The following SYT17 variants were observed in gnomAD, a reference collection of about 807,000 sequenced individuals.
SYT17 encodes synaptotagmin-17.
In SYT17, 22 loss-of-function variants were observed where a neutral mutation model predicts 46.7. That is an observed-to-expected ratio of 0.47 (90% CI 0.34 to 0.67). SYT17 has a LOEUF of 0.67. Among genes scored for constraint, SYT17 ranks in the 30% least tolerant of loss-of-function variants. SYT17 has a pLI of 0.01. For missense variants in SYT17, 519 were observed against 612.8 expected (o/e 0.85, Z 1.62); for synonymous variants, 251 against 248.4 (o/e 1.01, Z -0.10).
At chr16:19,232,484 C>T (rs1966735935) in intron 7 of SYT17, among the ~76,000 whole-genome samples, 1 of 151,894 alleles carries the variant, frequency 6.6e-6, no homozygotes. Context: ...ACAAATAGAC[C>T]CAGGAAGGGC....
intron 7 of SYT17, among the ~76,000 whole-genome samples, chr16:19,225,865 GA>G (rs1966480121): frequency 6.6e-6 from 1 of 152,272 alleles, no homozygotes; most frequent in South Asian, 2.1e-4. Context: ...TCTAATACTG[GA>G]AATGACATCC....
intron 5 of SYT17, among the ~76,000 whole-genome samples, chr16:19,200,975 G>A (rs534500926): frequency 3.3e-5 from 5 of 152,118 alleles, no homozygotes; most frequent in Admixed American, 3.3e-4. Flanking sequence ...CATTCCAGAG[G>A]GGGGACCAGC....
At chr16:19,211,452 G>A (rs1466762017) in intron 5 of SYT17, 2 of 703,764 alleles carry the variant, frequency 2.8e-6, no homozygotes, top group Admixed American at 4.0e-5. Context: ...TGGAGAAAAA[G>A]GTAAGGACCA....
chr16:19,266,392 A>G (rs918464763), intron 7 of SYT17, among the ~76,000 whole-genome samples: 1 of 152,368 alleles, frequency 6.6e-6, no homozygotes, highest in South Asian at 2.1e-4. Context: ...CCTACAGTCC[A>G]CAGGACAGTT....
At chr16:19,174,009 A>G (rs1319103480) in intron 3 of SYT17, among the ~76,000 whole-genome samples, 5 of 152,162 alleles carry the variant, frequency 3.3e-5, no homozygotes, top group Non-Finnish European at 1.5e-5. Flanking sequence ...GGGCCTGCAC[A>G]TAGTAAAAGC....
intron 7 of SYT17, among the ~76,000 whole-genome samples, chr16:19,230,597 A>C (rs539422952): frequency 2.6e-5 from 4 of 152,350 alleles, no homozygotes; most frequent in African/African-American, 9.6e-5. Flanking sequence ...TCAGAGAAGT[A>C]CCTGGATGCT....
In SYT17 at chr16:19,241,758, C is replaced by T. The variant is rs368684007; in HGVS notation, c.1228+16920C>T. 3.0e-4 allele frequency among the ~76,000 whole-genome samples: 46 copies of T among 152,244 alleles called. No individual in the cohort carries two copies. In the South Asian group the frequency reaches 5.8e-3, roughly 19 times the overall value. ...TACGGCGGGGCAGAGAGAGGTGATG[C>T]GTGCCAGGGTCGGGAGTCACAGAGG... On this transcript the variant is annotated intron_variant, in intron 7 of 7. Coordinates refer to ENST00000355377, the MANE Select transcript of SYT17 (RefSeq NM_016524.4).
intron 7 of SYT17, among the ~76,000 whole-genome samples, chr16:19,232,518 G>C (rs1966737558): frequency 6.6e-6 from 1 of 152,084 alleles, no homozygotes; most frequent in South Asian, 2.1e-4. Flanking sequence ...ATGATTGATT[G>C]TGCCAGTGCA....
chr16:19,254,687 A>C (rs1331784078), intron 7 of SYT17, among the ~76,000 whole-genome samples: 3 of 152,210 alleles, frequency 2.0e-5, no homozygotes, highest in Non-Finnish European at 4.4e-5. Context: ...TGCAGTGTAC[A>C]TCTTCCCCCA....
chr16:19,263,664 GA>G (rs907652868), intron 7 of SYT17, among the ~76,000 whole-genome samples: 4,788 of 132,182 alleles, frequency 0.036, 248 homozygotes, highest in African/African-American at 0.13. Flanking sequence ...AAAAAGAAAA[GA>G]AAAAAAAAAC....
chr16:19,177,931 T>A (rs1217363111), intron 3 of SYT17, among the ~76,000 whole-genome samples: 3 of 152,058 alleles, frequency 2.0e-5, no homozygotes, highest in African/African-American at 7.2e-5. Context: ...CGATTGGGAG[T>A]GTGTGCCATT....
rs546276584 is a variant in SYT17 at position 19,259,913 on chromosome 16, A to G, written c.1229-6967A>G. The stretch of plus-strand genomic sequence containing the variant: ...TGGTCAGGCTACAGCTTGGTTTTAT[A>G]CATTTTAGGGAGACATAAGACATCA... On this transcript the variant is annotated intron_variant, in intron 7 of 7. Coordinates refer to ENST00000355377, the MANE Select transcript of SYT17 (RefSeq NM_016524.4). Among the ~76,000 whole-genome samples, 134 of 152,260 alleles carry G rather than the reference A, an allele frequency of 8.8e-4. 4 individuals are homozygous for G. In the South Asian group the frequency reaches 0.026, roughly 29 times the overall value.
intron 7 of SYT17, among the ~76,000 whole-genome samples, chr16:19,237,525 C>T (rs568906150): frequency 3.9e-5 from 6 of 152,258 alleles, no homozygotes; most frequent in East Asian, 1.9e-4. Flanking sequence ...GGCAATGACC[C>T]GACAACCCAA....
intron 7 of SYT17, among the ~76,000 whole-genome samples, chr16:19,240,405 G>A (rs1221820756): frequency 6.6e-6 from 1 of 152,132 alleles, no homozygotes; most frequent in Non-Finnish European, 1.5e-5. Context: ...TCAGCAGAGA[G>A]GGTAGCTTCT....
rs964471911 is a variant in SYT17 at position 19,183,211 on chromosome 16, C to T, written c.332-317C>T. Among the ~76,000 whole-genome samples the T allele has an allele frequency of 2.6e-5, 4 of 152,164 alleles. No individual in the cohort carries two copies. The highest frequency in any genetic ancestry group is 4.8e-5 in the African/African-American group (2 of 41,440). On this transcript the variant is annotated intron_variant, in intron 4 of 7. Coordinates refer to ENST00000355377, the MANE Select transcript of SYT17 (RefSeq NM_016524.4). This position sits in a 1 kb window ranked among gnomAD's most constrained non-coding sequence, Gnocchi z 5.6. ...AAGTTACTTAAAGCTTCTGTTTCCT[C>T]GTCTATAAAGTGGGGATAATAGTAA...
Position 19,183,312 on chromosome 16 carries a change from G to C in SYT17, c.332-216G>C, listed in dbSNP as rs537661682. On this transcript the variant is annotated intron_variant, in intron 4 of 7. Transcript: ENST00000355377. The surrounding 1 kb of genome is among the most constrained non-coding windows in gnomAD (Gnocchi z 5.6). ...GATGTAGTGTACACAGTCCATTAGA[G>C]CAGTGCCTGGCACTTAGCTGCTGTG... Among the ~76,000 whole-genome samples, 2 of 152,356 alleles carry C rather than the reference G, an allele frequency of 1.3e-5. No homozygotes were observed. The highest frequency in any genetic ancestry group is 3.9e-4 in the East Asian group (2 of 5,192).
intron 7 of SYT17, among the ~76,000 whole-genome samples, chr16:19,238,688 G>A (rs1287914450): frequency 2.6e-5 from 4 of 152,226 alleles, no homozygotes; most frequent in Admixed American, 6.5e-5. Flanking sequence ...TCCCCATGGG[G>A]GAGAGCATCG....
At chr16:19,225,665 A>C (rs1490864979) in intron 7 of SYT17, among the ~76,000 whole-genome samples, 3 of 152,158 alleles carry the variant, frequency 2.0e-5, no homozygotes, top group African/African-American at 7.2e-5. Context: ...AAGCTCACTC[A>C]CAGTTTTCAG....
At position 19,178,496 on chromosome 16, in the gene SYT17, C is replaced by G. The variant is rs114035747; in HGVS notation, c.183-1895C>G. Reference sequence around the variant, plus strand: ...TAATAGAGATGGGGTTTCGCCATGTCGGCCGGGTTGGTCTCGAACCCCTGA... The same window carrying G: ...TAATAGAGATGGGGTTTCGCCATGTGGGCCGGGTTGGTCTCGAACCCCTGA... On this transcript the variant is annotated intron_variant, in intron 3 of 7. Coordinates refer to ENST00000355377, the MANE Select transcript of SYT17 (RefSeq NM_016524.4). Among the ~76,000 whole-genome samples, 1,216 of 152,026 alleles carry G rather than the reference C, an allele frequency of 8.0e-3. 12 individuals are homozygous for G. The highest frequency in any genetic ancestry group is 0.028 in the African/African-American group (1,174 of 41,466).
Sources: allele counts gnomAD v4.1 joint callset (sites outside exome capture counted in the v4.1 genomes callset), GRCh38; gene constraint gnomAD v4.1.1; non-coding constraint Gnocchi (gnomAD v3.1); transcripts MANE v1.5; gene names NCBI Gene and HGNC (gene_info 2026-07-23, HGNC 2026-07-21).